The following SLC14A2 variants were observed in gnomAD, a reference collection of about 807,000 sequenced individuals.
The protein encoded by SLC14A2 is solute carrier family 14 member 2.
Under a neutral mutation model 104.6 loss-of-function variants are expected in SLC14A2, and 91 were observed. The observed-to-expected ratio is 0.87, with a 90% CI of 0.73 to 1.04. SLC14A2 has a LOEUF of 1.04. SLC14A2 is among the 50% of genes least tolerant of loss of function. The pLI is 0.00. For missense variants in SLC14A2, 1,189 were observed against 1,156.0 expected, an observed-to-expected ratio of 1.03 and a Z score of -0.41; for synonymous variants, 476 against 466.4, an observed-to-expected ratio of 1.02 and a Z score of -0.27.
Position 45,366,773 on chromosome 18 carries a change from T to C in SLC14A2, c.-124-116460T>C, listed in dbSNP as rs191416564. ...TGAGGGAACTGGCTCAGCTGGTATC[T>C]GGTGGAATACTTATTGATACAAAAG... is the stretch of plus-strand genomic sequence containing the variant. On this transcript the variant is annotated intron_variant, in intron 1 of 20. Coordinates refer to the SLC14A2 transcript ENST00000586448. Among the ~76,000 whole-genome samples, 11 of 152,350 alleles carry C rather than the reference T, an allele frequency of 7.2e-5. No homozygotes were observed. In the East Asian group the frequency reaches 1.9e-3, roughly 27 times the overall value.
chr18:45,250,550 C>G (rs2084410611), intron 1 of SLC14A2, among the ~76,000 whole-genome samples: 1 of 151,950 alleles, frequency 6.6e-6, no homozygotes, highest in Non-Finnish European at 1.5e-5. Context: ...GTACTCACTT[C>G]CTGTTCTTTC....
At chr18:45,603,317 A>G (rs1291818380) in intron 2 of SLC14A2, among the ~76,000 whole-genome samples, 1 of 152,122 alleles carries the variant, frequency 6.6e-6, no homozygotes, top group African/African-American at 2.4e-5. Context: ...TTGTTGGTCC[A>G]TAATTGATAA....
At chr18:45,474,663 A>G (rs982058218) in intron 1 of SLC14A2, among the ~76,000 whole-genome samples, 1 of 152,092 alleles carries the variant, frequency 6.6e-6, no homozygotes, top group Non-Finnish European at 1.5e-5. Context: ...GTTTATTTGC[A>G]TAGAGGTGTT....
chr18:45,414,757 A>AAAATAT (rs1360051908), intron 1 of SLC14A2, among the ~76,000 whole-genome samples: 109 of 76,050 alleles, frequency 1.4e-3, no homozygotes, highest in African/African-American at 2.2e-3. Flanking sequence ...AAAAAAAAAA[A>AAAATAT]ATATATATAT....
chr18:45,222,560 T>C (rs2084073427), intron 1 of SLC14A2, among the ~76,000 whole-genome samples: 1 of 152,088 alleles, frequency 6.6e-6, no homozygotes, highest in Non-Finnish European at 1.5e-5. Flanking sequence ...ATGGTTGTGA[T>C]TTACATAGGC....
intron 1 of SLC14A2, among the ~76,000 whole-genome samples, chr18:45,328,714 G>C (rs1361871277): frequency 6.6e-6 from 1 of 152,158 alleles, no homozygotes; most frequent in Non-Finnish European, 1.5e-5. Flanking sequence ...ACTAAAGATG[G>C]GAGCTCCTTC....
chr18:45,507,547 A>C (rs2043304845), intron 2 of SLC14A2: 1 of 152,320 alleles, frequency 6.6e-6, no homozygotes, highest in African/African-American at 2.4e-5. Flanking sequence ...GTCACCCTGC[A>C]GTCCTGGGCA....
intron 1 of SLC14A2, among the ~76,000 whole-genome samples, chr18:45,240,644 T>C (rs995519084): frequency 6.6e-6 from 1 of 150,732 alleles, no homozygotes; most frequent in Non-Finnish European, 1.5e-5. Context: ...TTTTTTTGTT[T>C]TTTTTGTTTT....
intron 2 of SLC14A2, among the ~76,000 whole-genome samples, chr18:45,517,131 C>A (rs1456535130): frequency 6.6e-6 from 1 of 152,206 alleles, no homozygotes; most frequent in Non-Finnish European, 1.5e-5. Flanking sequence ...CCGAAGGACA[C>A]AGAGGGCTCA....
chr18:45,577,109 T>G (rs1177635090), intron 2 of SLC14A2, among the ~76,000 whole-genome samples: 1 of 151,478 alleles, frequency 6.6e-6, no homozygotes, highest in Non-Finnish European at 1.5e-5. Flanking sequence ...CTCTGGTTAT[T>G]TGGTTTGCAT....
At chr18:45,174,738 G>A in the SLC14A2 span, among the ~76,000 whole-genome samples, 1 of 152,120 alleles carries the variant, frequency 6.6e-6, no homozygotes, top group Admixed American at 6.6e-5. Context: ...GGGCAGGGTA[G>A]CAGGGGACAG....
At chr18:45,455,659 A>AT (rs1568214707) in intron 1 of SLC14A2, among the ~76,000 whole-genome samples, 2 of 139,718 alleles carry the variant, frequency 1.4e-5, no homozygotes, top group Non-Finnish European at 1.6e-5. Flanking sequence ...AATAATAATA[A>AT]AGTAAAAAAA....
chr18:45,196,093 CTGTT>C, the SLC14A2 span, among the ~76,000 whole-genome samples: 233 of 150,222 alleles, frequency 1.6e-3, no homozygotes, highest in Middle Eastern at 6.8e-3. Flanking sequence ...TATTTGGACA[CTGTT>C]TGAACAATTG....
At chr18:45,386,324 G>T (rs2085896092) in intron 1 of SLC14A2, among the ~76,000 whole-genome samples, 1 of 152,158 alleles carries the variant, frequency 6.6e-6, no homozygotes. Context: ...GGAAGGCCAG[G>T]CCAGTACAAG....
intron 4 of SLC14A2, among the ~76,000 whole-genome samples, chr18:45,630,637 CA>C (rs1488116499): frequency 6.6e-6 from 1 of 151,854 alleles, no homozygotes; most frequent in East Asian, 1.9e-4. Context: ...GGTATTAAAA[CA>C]AAAAAAGCAC....
Position 45,624,485 on chromosome 18 carries a change from G to A in SLC14A2, c.-34-146G>A, listed in dbSNP as rs914636903. ...TTGAAAGGTAATGAGGTAGAGAAAT[G>A]TCCTCAACTCTACAGCACAAGCTGT... On this transcript the variant is annotated intron_variant, in intron 1 of 19. Coordinates refer to ENST00000255226, the MANE Select transcript of SLC14A2 (RefSeq NM_007163.4). The A allele has an allele frequency of 1.9e-5, 9 of 465,026 alleles. No individual in the cohort carries two copies. The Admixed American group carries it at 3.7e-4, about 19-fold the overall frequency. The allele number at this position is 465,026 out of a possible 1,614,324, so 28.8% of individuals were successfully genotyped here.
intron 1 of SLC14A2, among the ~76,000 whole-genome samples, chr18:45,343,939 A>G (rs1382620884): frequency 1.3e-5 from 2 of 152,210 alleles, no homozygotes; most frequent in Admixed American, 6.5e-5. Context: ...CCCTGAAACT[A>G]TAGTCCCTGG....
At chr18:45,341,892 T>G (rs1256847449) in intron 1 of SLC14A2, among the ~76,000 whole-genome samples, 1 of 152,156 alleles carries the variant, frequency 6.6e-6, no homozygotes, top group Non-Finnish European at 1.5e-5. Flanking sequence ...CTGATCCCAC[T>G]GTCTAGTATT....
At chr18:45,309,614 C>T (rs1287660029) in intron 1 of SLC14A2, among the ~76,000 whole-genome samples, 4 of 152,204 alleles carry the variant, frequency 2.6e-5, no homozygotes, top group East Asian at 3.9e-4. Context: ...CTCTGTAGAC[C>T]GTTACCTGCT....
Sources: allele counts gnomAD v4.1 joint callset (sites outside exome capture counted in the v4.1 genomes callset), GRCh38; gene constraint gnomAD v4.1.1; transcripts MANE v1.5; gene names NCBI Gene and HGNC (gene_info 2026-07-23, HGNC 2026-07-21).